PCLO: variants seen among roughly 807,000 people sequenced by gnomAD.
PCLO encodes protein piccolo.
In PCLO, 82 loss-of-function variants were observed where a neutral mutation model predicts 427.5. The observed-to-expected ratio is 0.19, with a 90% CI of 0.16 to 0.23. The LOEUF (loss-of-function observed/expected upper bound fraction) is 0.23. Ranked by LOEUF, PCLO falls within the 10% of genes least tolerant of loss-of-function variation. The pLI is 1.00. For synonymous variants in PCLO, 2,357 were observed against 2,155.4 expected (o/e 1.09, Z -2.59); for missense variants, 6,239 against 6,115.9 (o/e 1.02, Z -0.67).
chr7:83,150,954 G>A (rs765173669), intron 2 of PCLO, among the ~76,000 whole-genome samples: 39 of 152,214 alleles, frequency 2.6e-4, no homozygotes, highest in Non-Finnish European at 2.9e-4. Context: ...ACTTTTTCAT[G>A]GATACGTATG....
At chr7:82,768,483 C>A (rs900109614) in intron 22 of PCLO, among the ~76,000 whole-genome samples, 1 of 150,996 alleles carries the variant, frequency 6.6e-6, no homozygotes, top group Admixed American at 6.6e-5. Context: ...TAAATTTTGT[C>A]TCTTAAACTT....
At chr7:83,068,606 G>C (rs886707885) in intron 3 of PCLO, among the ~76,000 whole-genome samples, 1 of 152,134 alleles carries the variant, frequency 6.6e-6, no homozygotes, top group Non-Finnish European at 1.5e-5. Context: ...TGTTAGAATA[G>C]CTGTTATAAG....
At position 82,760,640 on chromosome 7, in the gene PCLO, T is replaced by C. The variant is rs933156999; in HGVS notation, c.15287A>G (p.Gln5096Arg). The C allele has an allele frequency of 1.3e-6, 2 of 1,585,464 alleles. No homozygotes were observed. The highest frequency in any genetic ancestry group is 2.7e-5 in the African/African-American group (2 of 73,094). Residue 5096 changes from glutamine (Q) to arginine (R), a missense_variant and splice_region_variant, in exon 24 of 25, where the codon CAG (glutamine) becomes CGG (arginine). Transcript: ENST00000333891. ...ATGAACTACATAATACAGAGCTACC[T>C]GAAGAGAATGTCCTGCAGGACTTAG... ...FSLSPAGHSL[Q>R]ILLFSNGGKF...
At chr7:83,122,699 T>C (rs1791320088) in intron 3 of PCLO, among the ~76,000 whole-genome samples, 1 of 152,204 alleles carries the variant, frequency 6.6e-6, no homozygotes, top group Non-Finnish European at 1.5e-5. Context: ...AGAAGTCTAA[T>C]TATCCATGTC....
At chr7:83,074,930 G>C (rs1789913100) in intron 3 of PCLO, among the ~76,000 whole-genome samples, 1 of 152,196 alleles carries the variant, frequency 6.6e-6, no homozygotes. Flanking sequence ...ACTTTAATAA[G>C]GTGGTAATCA....
intron 3 of PCLO, among the ~76,000 whole-genome samples, chr7:82,991,470 C>T (rs1796375171): frequency 6.6e-6 from 1 of 151,978 alleles, no homozygotes; most frequent in Non-Finnish European, 1.5e-5. Flanking sequence ...CATCTGGGGG[C>T]CACTATTCCT....
chr7:82,854,559 T>C (rs1168492465), intron 10 of PCLO, among the ~76,000 whole-genome samples: 1 of 152,162 alleles, frequency 6.6e-6, no homozygotes, highest in Non-Finnish European at 1.5e-5. Flanking sequence ...AGATTTGCAG[T>C]ATCATCCTAC....
intron 3 of PCLO, among the ~76,000 whole-genome samples, chr7:83,128,206 A>G (rs1482047083): frequency 1.3e-5 from 2 of 152,112 alleles, no homozygotes; most frequent in Non-Finnish European, 2.9e-5. Flanking sequence ...ATAAAGCCCA[A>G]GACCGGGGAT....
Position 82,952,423 on chromosome 7 carries a change from A to T in PCLO, c.8530T>A (p.Phe2844Ile). 2 of 1,613,882 alleles carry T rather than the reference A, an allele frequency of 1.2e-6. No homozygotes were observed. Among genetic ancestry groups the T allele is most frequent in the Non-Finnish European group, 1.7e-6 (2 of 1,179,844 alleles). Residue 2844 changes from phenylalanine (F) to isoleucine (I), a missense_variant, in exon 5 of 25, where the codon TTT (phenylalanine) becomes ATT (isoleucine). By Grantham distance (21) the Phe-to-Ile change is conservative. Around this residue, in one of 5 missense-constraint regions of PCLO, gnomAD observed 4,677 missense variants for 4,468.4 expected, o/e 1.05. Coordinates refer to ENST00000333891, the MANE Select transcript of PCLO (RefSeq NM_033026.6). ...GGTGCTTCTTCCCTAGCTATAGGAAAGACCTGGTCACTTGGTATCCTGTAT... is the reference window on the plus strand; with the variant it reads ...GGTGCTTCTTCCCTAGCTATAGGAATGACCTGGTCACTTGGTATCCTGTAT... Reference protein sequence around the residue: ...PPYRIPSDQVFPIAREEAPIN... With the variant: ...PPYRIPSDQVIPIAREEAPIN...
chr7:82,829,021 C>T (rs1792024078), intron 16 of PCLO, among the ~76,000 whole-genome samples: 1 of 152,110 alleles, frequency 6.6e-6, no homozygotes, highest in Non-Finnish European at 1.5e-5. Context: ...TATAGCCAGA[C>T]TAACTCTTGC....
chr7:83,019,229 A>G (rs1183365475), intron 3 of PCLO, among the ~76,000 whole-genome samples: 2 of 152,004 alleles, frequency 1.3e-5, no homozygotes, highest in Non-Finnish European at 2.9e-5. Context: ...CTTTGCTTGT[A>G]AATAGTGTAG....
chr7:83,058,319 C>T (rs1174698193), intron 3 of PCLO, among the ~76,000 whole-genome samples: 1 of 152,116 alleles, frequency 6.6e-6, no homozygotes, highest in Non-Finnish European at 1.5e-5. Flanking sequence ...GCCAATTTTT[C>T]TGCAGTTAAA....
chr7:82,845,420 G>A lies in PCLO; in HGVS notation c.13897C>T (p.Leu4633=), dbSNP rs1394804088. The A allele has an allele frequency of 6.2e-7, 1 of 1,613,170 alleles. No individual in the cohort carries two copies. The highest frequency in any genetic ancestry group is 1.3e-5 in the African/African-American group (1 of 74,872). ...GACAGAACCAGCGGTGACTGCTGTAGTGAAACCTTCTGGAGTTCTGCTGCC... is the reference window on the plus strand; with the variant it reads ...GACAGAACCAGCGGTGACTGCTGTAATGAAACCTTCTGGAGTTCTGCTGCC... ...QLAAELQKVS[L]QQSPLVLSSV... Residue 4633 remains leucine (L), a synonymous_variant, in exon 13 of 25, where the codon CTA becomes TTA. Coordinates refer to ENST00000333891, the MANE Select transcript of PCLO (RefSeq NM_033026.6).
At chr7:82,926,135 C>T (rs1411132047) in intron 6 of PCLO, among the ~76,000 whole-genome samples, 1 of 152,138 alleles carries the variant, frequency 6.6e-6, no homozygotes, top group East Asian at 1.9e-4. Context: ...TGTTTAAAAT[C>T]CATTAGCATT....
At chr7:82,835,950 T>C (rs1214153401) in intron 15 of PCLO, among the ~76,000 whole-genome samples, 2 of 152,228 alleles carry the variant, frequency 1.3e-5, no homozygotes, top group Admixed American at 1.3e-4. Context: ...AGGAATTGAA[T>C]AGGGGTAGCT....
intron 7 of PCLO, 79 bp from the exon 8 acceptor site, chr7:82,909,092 C>T: frequency 7.5e-7 from 1 of 1,337,570 alleles, no homozygotes; most frequent in African/African-American, 1.4e-5. Context: ...TTCTGTAGTA[C>T]TAGCATGCAC....
At position 82,756,447 on chromosome 7, in the gene PCLO, T is replaced by A. The variant is rs1481736313; in HGVS notation, c.*2128A>T. The A allele has an allele frequency of 2.9e-4, 44 of 152,154 alleles. No individual in the cohort carries two copies. The highest frequency in any genetic ancestry group is 2.9e-3 in the Admixed American group (44 of 15,240). The allele number at this position is 152,154 out of a possible 1,614,324, so 9.4% of individuals were successfully genotyped here. A position where few individuals can be genotyped will look rare whatever the true frequency, so the allele number is the denominator to read the frequency against. On this transcript the variant is annotated 3_prime_UTR_variant, in exon 25 of 25. Coordinates refer to ENST00000333891, the MANE Select transcript of PCLO (RefSeq NM_033026.6). Reference sequence around the variant, plus strand: ...AATGTCAATGGTAAATGACATTGTATTGTCAGTGGAGGGGGATTAAAAAAT... The same window carrying A: ...AATGTCAATGGTAAATGACATTGTAATGTCAGTGGAGGGGGATTAAAAAAT...
At chr7:82,783,576 C>G (rs1041096561) in intron 22 of PCLO, among the ~76,000 whole-genome samples, 10 of 152,082 alleles carry the variant, frequency 6.6e-5, no homozygotes, top group Admixed American at 5.9e-4. Context: ...GAGCTGAGAT[C>G]GCACCACTGA....
chr7:82,792,553 C>G (rs1043583596), intron 22 of PCLO, among the ~76,000 whole-genome samples: 1 of 152,092 alleles, frequency 6.6e-6, no homozygotes, highest in African/African-American at 2.4e-5. Context: ...CTCTTGAACT[C>G]TTGGACTCAA....
Sources: gnomAD v4.1 joint callset for allele counts (sites outside exome capture counted in the v4.1 genomes callset) on GRCh38, gnomAD v4.1.1 for gene constraint, gnomAD v4.1.1 regional missense constraint, MANE v1.5 for transcripts, NCBI Gene and HGNC (gene_info 2026-07-23, HGNC 2026-07-21) for gene names.